The following OSBPL10 variants were observed in gnomAD, a reference collection of about 807,000 sequenced individuals.
OSBPL10 encodes the protein oxysterol binding protein like 10.
In OSBPL10, 49 loss-of-function variants were observed where a neutral mutation model predicts 81.7. That is an observed-to-expected ratio of 0.60 (90% CI 0.48 to 0.76). OSBPL10 has a LOEUF of 0.76. OSBPL10 is among the 30% of genes least tolerant of loss of function. The pLI is 0.00. For synonymous variants in OSBPL10, 419 were observed against 383.6 expected (o/e 1.09, Z -1.08); for missense variants, 923 against 987.8 (o/e 0.93, Z 0.88).
intron 2 of OSBPL10, chr3:31,988,981 G>A (rs1698982864): frequency 1.3e-6 from 2 of 1,502,152 alleles, no homozygotes; most frequent in South Asian, 1.2e-5. Context: ...CACGAAGTTT[G>A]TGATAATTTG....
chr3:31,916,021 G>A (rs574791597), intron 1 of OSBPL10, among the ~76,000 whole-genome samples: 117 of 151,180 alleles, frequency 7.7e-4, no homozygotes, highest in Non-Finnish European at 1.3e-3. Flanking sequence ...GCTTGAACCC[G>A]GGAGGTGGAG....
intron 8 of OSBPL10, among the ~76,000 whole-genome samples, chr3:31,678,782 C>CTGTGTGTGTGTGTGTGTGTGTGTGTG (rs67616509): frequency 1.0e-4 from 14 of 135,648 alleles, no homozygotes; most frequent in East Asian, 4.6e-4. Flanking sequence ...CAGATTCAAA[C>CTGTGTGTGTGTGTGTGTGTGTGTGTG]TGTGTGTGTG....
At chr3:31,911,910 G>A (rs1379636435) in intron 1 of OSBPL10, among the ~76,000 whole-genome samples, 1 of 152,016 alleles carries the variant, frequency 6.6e-6, no homozygotes, top group Non-Finnish European at 1.5e-5. Flanking sequence ...GGCAGGTGCT[G>A]GAAGGTCAGG....
intron 4 of OSBPL10, among the ~76,000 whole-genome samples, chr3:31,810,153 G>T (rs185827796): frequency 6.6e-6 from 1 of 151,990 alleles, no homozygotes; most frequent in Non-Finnish European, 1.5e-5. Flanking sequence ...TCACAGGCAT[G>T]AGCCACCGCA....
chr3:31,676,383 G>A (rs1700475693), intron 8 of OSBPL10, among the ~76,000 whole-genome samples: 1 of 146,304 alleles, frequency 6.8e-6, no homozygotes, highest in Non-Finnish European at 1.5e-5. Context: ...TGGCCTAACA[G>A]CTAAGAGAAG....
At chr3:31,903,116 T>C (rs1011655777) in intron 1 of OSBPL10, among the ~76,000 whole-genome samples, 9 of 152,138 alleles carry the variant, frequency 5.9e-5, no homozygotes, top group African/African-American at 2.2e-4. Flanking sequence ...TTTCTTACAT[T>C]TATTCATTCA....
At chr3:31,968,387 C>T (rs1490057747) in intron 1 of OSBPL10, among the ~76,000 whole-genome samples, 4 of 151,822 alleles carry the variant, frequency 2.6e-5, no homozygotes, top group African/African-American at 9.7e-5. Flanking sequence ...AATAACACTA[C>T]AATGCTGGAA....
chr3:31,838,092 G>A (rs1314045401), intron 3 of OSBPL10, among the ~76,000 whole-genome samples: 1 of 152,102 alleles, frequency 6.6e-6, no homozygotes, highest in Non-Finnish European at 1.5e-5. Flanking sequence ...GAGCAAAAGG[G>A]AAGAACTCAT....
At chr3:31,724,779 T>G (rs1696755876) in intron 6 of OSBPL10, among the ~76,000 whole-genome samples, 1 of 152,044 alleles carries the variant, frequency 6.6e-6, no homozygotes, top group Non-Finnish European at 1.5e-5. Context: ...AGGGTTTAGG[T>G]TTGTGTGTGA....
intron 8 of OSBPL10, among the ~76,000 whole-genome samples, chr3:31,681,125 C>T (rs1017043451): frequency 1.3e-5 from 2 of 152,168 alleles, no homozygotes; most frequent in African/African-American, 2.4e-5. Flanking sequence ...ACAGGTGTGT[C>T]CCTAGCTTCC....
intron 3 of OSBPL10, among the ~76,000 whole-genome samples, chr3:31,852,673 G>A (rs1209450205): frequency 6.6e-6 from 1 of 152,038 alleles, no homozygotes. Context: ...CCAACTCCCA[G>A]GCTCAAGCAA....
intron 3 of OSBPL10, among the ~76,000 whole-genome samples, chr3:31,874,546 AAC>A (rs1343053550): frequency 1.3e-5 from 2 of 152,200 alleles, no homozygotes; most frequent in African/African-American, 4.8e-5. Flanking sequence ...TTAATAGAAA[AAC>A]AAGTGAAGGA....
chr3:31,766,348 T>G lies in OSBPL10; in HGVS notation c.730-18228A>C, dbSNP rs548485001. On this transcript the variant is annotated intron_variant, in intron 4 of 11. Transcript: ENST00000396556. ...TTTTTTGTTTTTTTGTTTTTTTTTG[T>G]TTTTTTTTTGAGACACGGTCTCACT... 2.7e-3 allele frequency among the ~76,000 whole-genome samples: 149 copies of G among 55,638 alleles called. 3 individuals are homozygous for G. The highest frequency in any genetic ancestry group is 0.012 in the African/African-American group (145 of 12,502). The allele number at this position is 55,638 out of a possible 152,430, so 36.5% of individuals were successfully genotyped here.
chr3:32,012,707 G>A lies in OSBPL10; in HGVS notation n.298+33784C>T, dbSNP rs548973897. Among the ~76,000 whole-genome samples the A allele has an allele frequency of 4.6e-5, 7 of 152,148 alleles. 1 individual carries two copies. In the South Asian group the frequency reaches 1.5e-3, roughly 32 times the overall value. ...TGTATTCAGGAAACCTATCTCACGT[G>A]CAGAGACACACTTAGGCTCAAAATA... is the stretch of plus-strand genomic sequence containing the variant. On this transcript the variant is annotated intron_variant and non_coding_transcript_variant, in intron 2 of 3. Transcript: ENST00000479173.
At chr3:32,050,054 G>T (rs1320835001) in intron 1 of OSBPL10, among the ~76,000 whole-genome samples, 1 of 152,174 alleles carries the variant, frequency 6.6e-6, no homozygotes, top group Non-Finnish European at 1.5e-5. Context: ...AGTGAATCTG[G>T]TGTAACAGCA....
chr3:31,698,476 A>C (rs368245786), intron 7 of OSBPL10, among the ~76,000 whole-genome samples: 2 of 140,868 alleles, frequency 1.4e-5, no homozygotes, highest in Non-Finnish European at 3.1e-5. Flanking sequence ...AAATAAAACA[A>C]AAATACAAGT....
At chr3:32,018,346 C>T (rs943271489) in intron 2 of OSBPL10, among the ~76,000 whole-genome samples, 1 of 152,074 alleles carries the variant, frequency 6.6e-6, no homozygotes, top group African/African-American at 2.4e-5. Context: ...GACTGAGTAT[C>T]TGTGATCTCA....
At chr3:32,044,389 T>C (rs968174446) in intron 2 of OSBPL10, among the ~76,000 whole-genome samples, 3 of 148,358 alleles carry the variant, frequency 2.0e-5, no homozygotes, top group Non-Finnish European at 4.5e-5. Flanking sequence ...TAAATAATAA[T>C]AATAATATAT....
intron 1 of OSBPL10, among the ~76,000 whole-genome samples, chr3:32,059,551 A>G (rs1699739817): frequency 6.6e-6 from 1 of 152,042 alleles, no homozygotes; most frequent in South Asian, 2.1e-4. Context: ...AGATCGCACC[A>G]CTGCACTCCA....
Sources: gnomAD v4.1 joint callset for allele counts (sites outside exome capture counted in the v4.1 genomes callset) on GRCh38, gnomAD v4.1.1 for gene constraint, MANE v1.5 for transcripts, NCBI Gene and HGNC (gene_info 2026-07-23, HGNC 2026-07-21) for gene names.